SOS1: variants seen among roughly 807,000 people sequenced by gnomAD.
SOS1 encodes the protein son of sevenless homolog 1.
Under a neutral mutation model 157.6 loss-of-function variants are expected in SOS1, and 25 were observed. That is an observed-to-expected ratio of 0.16 (90% CI 0.12 to 0.22). The LOEUF is 0.22. Ranked by LOEUF, SOS1 falls within the 10% of genes least tolerant of loss-of-function variation. The pLI is 1.00. For synonymous variants in SOS1, 528 were observed against 534.0 expected (o/e 0.99, Z 0.16); for missense variants, 1,237 against 1,599.1 (o/e 0.77, Z 3.86).
Position 39,065,617 on chromosome 2 carries a change from C to T in SOS1, c.213+2011G>A, listed in dbSNP as rs144953931. On this transcript the variant is annotated intron_variant, in intron 2 of 22. Coordinates refer to ENST00000402219, the MANE Select transcript of SOS1 (RefSeq NM_005633.4). Reference sequence around the variant, plus strand: ...CTGACCTTACTGAGAACTCTAGTACCCTTTTCTCTCCATGTTTTTCCATTA... The same window carrying T: ...CTGACCTTACTGAGAACTCTAGTACTCTTTTCTCTCCATGTTTTTCCATTA... 8.0e-3 allele frequency among the ~76,000 whole-genome samples: 1,225 copies of T among 152,182 alleles called. 7 individuals carry two copies. Among genetic ancestry groups the T allele is most frequent in the Middle Eastern group, 0.014 (4 of 294 alleles).
At chr2:39,052,662 G>A (rs1225402356) in intron 5 of SOS1, among the ~76,000 whole-genome samples, 1 of 152,074 alleles carries the variant, frequency 6.6e-6, no homozygotes, top group East Asian at 1.9e-4. Context: ...CCACTGTATG[G>A]TCATACCACA....
At chr2:39,121,353 G>A (rs947050897), upstream of SOS1, among the ~76,000 whole-genome samples, 5 of 152,162 alleles carry the variant, frequency 3.3e-5, no homozygotes, top group African/African-American at 1.2e-4. Flanking sequence ...AGGGGTGTGT[G>A]TACTTTGTTC....
At chr2:39,029,807 G>A (rs570515693) in intron 8 of SOS1, among the ~76,000 whole-genome samples, 77 of 152,274 alleles carry the variant, frequency 5.1e-4, no homozygotes, top group African/African-American at 1.8e-3. Flanking sequence ...TTGAGCCGAT[G>A]GTTTCTAGAT....
intron 1 of SOS1, among the ~76,000 whole-genome samples, chr2:39,101,476 T>G (rs188434235): frequency 6.6e-6 from 1 of 152,126 alleles, no homozygotes; most frequent in South Asian, 2.1e-4. Context: ...GATACAGAAA[T>G]AAACTTTATG....
intron 5 of SOS1, among the ~76,000 whole-genome samples, chr2:39,052,215 T>C (rs1314794622): frequency 6.6e-6 from 1 of 152,224 alleles, no homozygotes. Context: ...TAAGGGTTAG[T>C]TGCAATGTAG....
intron 8 of SOS1, among the ~76,000 whole-genome samples, chr2:39,033,554 G>C (rs916432836): frequency 6.6e-6 from 1 of 151,996 alleles, no homozygotes; most frequent in East Asian, 1.9e-4. Flanking sequence ...TTGTATTTTT[G>C]AGACAGGGGC....
intron 2 of SOS1, among the ~76,000 whole-genome samples, chr2:39,060,819 C>T (rs528198648): frequency 3.3e-5 from 5 of 151,140 alleles, no homozygotes; most frequent in African/African-American, 1.2e-4. Context: ...CACTGGTGAA[C>T]AGTGTAGACA....
At chr2:39,054,288 G>A (rs2124602899) in intron 5 of SOS1, among the ~76,000 whole-genome samples, 1 of 152,296 alleles carries the variant, frequency 6.6e-6, no homozygotes, top group African/African-American at 2.4e-5. Flanking sequence ...CAATACAGTT[G>A]GCATTGATGA....
chr2:39,121,980 T>G (rs914292927), upstream of SOS1, among the ~76,000 whole-genome samples: 2 of 152,226 alleles, frequency 1.3e-5, no homozygotes, highest in Admixed American at 6.5e-5. Context: ...GAAGGCAGTT[T>G]AGAGGAACTA....
chr2:39,091,034 A>G (rs973352536), intron 1 of SOS1, among the ~76,000 whole-genome samples: 2 of 152,044 alleles, frequency 1.3e-5, no homozygotes, highest in Admixed American at 6.6e-5. Context: ...ACACCTGGCT[A>G]ATTTTTGTAT....
chr2:39,103,113 T>C (rs1038476422), intron 1 of SOS1, among the ~76,000 whole-genome samples: 1 of 151,850 alleles, frequency 6.6e-6, no homozygotes, highest in Non-Finnish European at 1.5e-5. Context: ...ACCAAGGAGG[T>C]GAGTTTTACC....
chr2:39,015,839 G>A (rs1669614748), intron 10 of SOS1, among the ~76,000 whole-genome samples: 1 of 124,004 alleles, frequency 8.1e-6, no homozygotes, highest in African/African-American at 3.1e-5. Context: ...GGAGGGGAAA[G>A]TTCAGTAACT....
intron 6 of SOS1, 72 bp downstream of exon 6, chr2:39,051,072 G>GT: frequency 7.3e-7 from 1 of 1,378,924 alleles, no homozygotes; most frequent in Admixed American, 1.7e-5. Context: ...CTGGAAAGAA[G>GT]TAAGACTCTC....
chr2:39,043,369 A>C (rs1670641013), intron 6 of SOS1, among the ~76,000 whole-genome samples: 1 of 152,178 alleles, frequency 6.6e-6, no homozygotes, highest in Non-Finnish European at 1.5e-5. Context: ...CATTTCATTG[A>C]TATCTGAGAA....
intron 6 of SOS1, among the ~76,000 whole-genome samples, chr2:39,036,651 G>A (rs945409713): frequency 1.2e-4 from 18 of 151,714 alleles, no homozygotes; most frequent in African/African-American, 4.4e-4. Flanking sequence ...TCGGCTCACT[G>A]CAAGCTCCGC....
intron 5 of SOS1, among the ~76,000 whole-genome samples, chr2:39,053,110 G>A (rs1310632963): frequency 2.6e-5 from 4 of 152,046 alleles, no homozygotes; most frequent in Middle Eastern, 3.2e-3. Flanking sequence ...CCAAGATCAC[G>A]GCCCTGCACT....
Position 38,986,045 on chromosome 2 carries a change from G to T in SOS1, c.3781C>A (p.Pro1261Thr), listed in dbSNP as rs1668547065. Residue 1261 changes from proline (P) to threonine (T), a missense_variant, in exon 23 of 23, where the codon CCT (proline) becomes ACT (threonine). Pro to Thr is a conservative substitution (Grantham distance 38, BLOSUM62 -1). Around this residue, in one of 15 missense-constraint regions of SOS1, gnomAD observed 306 missense variants for 322.6 expected, o/e 0.95. Coordinates refer to ENST00000402219, the MANE Select transcript of SOS1 (RefSeq NM_005633.4). ...GTGCCGTGAGGAGAAGGTGTTTGAGGAGGAGGTGGTGTAAAGGGGGAAGGG... is the reference window on the plus strand; with the variant it reads ...GTGCCGTGAGGAGAAGGTGTTTGAGTAGGAGGTGGTGTAAAGGGGGAAGGG... ...NSPSPFTPPP[P>T]QTPSPHGTRR... 6.2e-7 allele frequency: 1 copy of T among 1,613,994 alleles called. No homozygotes were observed. Among genetic ancestry groups the T allele is most frequent in the East Asian group, 2.2e-5 (1 of 44,876 alleles).
Position 39,056,135 on chromosome 2 carries a change from G to T in SOS1, c.510+567C>A, listed in dbSNP as rs1572858797. ...ATCTTTCAATCCAAATAAATTTTAA[G>T]AAATTAACTACTAGCTGGGTGTGGT... On this transcript the variant is annotated intron_variant, in intron 4 of 22. Transcript: ENST00000402219. Among the ~76,000 whole-genome samples, 7 of 152,102 alleles carry T rather than the reference G, an allele frequency of 4.6e-5. No homozygotes were observed. The East Asian group carries it at 1.3e-3, about 29-fold the overall frequency.
chr2:39,004,398 C>T (rs1669216456), intron 17 of SOS1, among the ~76,000 whole-genome samples: 1 of 94,314 alleles, frequency 1.1e-5, no homozygotes, highest in African/African-American at 4.4e-5. Flanking sequence ...CAGAGCAAGA[C>T]TCTGTGTCAA....
Sources: gnomAD v4.1 joint callset for allele counts (sites outside exome capture counted in the v4.1 genomes callset) on GRCh38, gnomAD v4.1.1 for gene constraint, gnomAD v4.1.1 regional missense constraint, MANE v1.5 for transcripts, NCBI Gene and HGNC (gene_info 2026-07-23, HGNC 2026-07-21) for gene names.